Variants in KAZN observed in about 807,000 individuals in gnomAD.
KAZN encodes the protein kazrin, periplakin interacting protein, also known as kazrin.
KAZN carries 40 observed loss-of-function variants against 87.4 expected under a neutral mutation model. The ratio of observed to expected loss-of-function variants is 0.46; its 90% CI spans 0.36 to 0.60. The LOEUF is 0.60. Among genes scored for constraint, KAZN ranks in the 20% least tolerant of loss-of-function variants. The pLI is 0.00. For synonymous variants in KAZN, 466 were observed against 458.3 expected (o/e 1.02, Z -0.22); for missense variants, 898 against 1,073.9 (o/e 0.84, Z 2.29).
chr1:14,988,649 T>C (rs1667062346), intron 2 of KAZN, among the ~76,000 whole-genome samples: 1 of 152,240 alleles, frequency 6.6e-6, no homozygotes, highest in Non-Finnish European at 1.5e-5. Flanking sequence ...GCTGTGCTTC[T>C]GATTATCCCT....
chr1:13,947,606 G>T (rs1018894491), intron 1 of KAZN, among the ~76,000 whole-genome samples: 25 of 152,202 alleles, frequency 1.6e-4, no homozygotes, highest in African/African-American at 5.8e-4. Context: ...CCTTAGGGCT[G>T]TATTAGTCTG....
chr1:14,852,566 C>T (rs1416986878), intron 1 of KAZN, among the ~76,000 whole-genome samples: 2 of 152,200 alleles, frequency 1.3e-5, no homozygotes, highest in Non-Finnish European at 2.9e-5. Context: ...GCGTTTTCAG[C>T]CTCTGCCCAT....
At chr1:14,301,856 T>A (rs1654577397) in intron 2 of KAZN, among the ~76,000 whole-genome samples, 1 of 152,190 alleles carries the variant, frequency 6.6e-6, no homozygotes, top group Non-Finnish European at 1.5e-5. Flanking sequence ...CGAGAGGCCT[T>A]CCTTGACTAC....
At chr1:14,251,080 G>A (rs1032692156) in intron 2 of KAZN, among the ~76,000 whole-genome samples, 1 of 152,138 alleles carries the variant, frequency 6.6e-6, no homozygotes. Context: ...GCCTAACCCT[G>A]GAACTGAAAC....
intron 2 of KAZN, among the ~76,000 whole-genome samples, chr1:14,549,455 G>C (rs1227455006): frequency 1.3e-5 from 2 of 151,924 alleles, no homozygotes; most frequent in Admixed American, 6.6e-5. Flanking sequence ...AAACTTCTGG[G>C]CCCCCCCTTA....
chr1:14,107,761 G>A (rs1447693560), intron 1 of KAZN, among the ~76,000 whole-genome samples: 1 of 152,134 alleles, frequency 6.6e-6, no homozygotes, highest in African/African-American at 2.4e-5. Flanking sequence ...TTTGTATGCT[G>A]GGTTGTGTGC....
chr1:14,738,561 C>T (rs368446207), intron 1 of KAZN, among the ~76,000 whole-genome samples: 174 of 152,210 alleles, frequency 1.1e-3, no homozygotes, highest in African/African-American at 3.9e-3. Flanking sequence ...GAGGCTTCTC[C>T]TGGCTTTCTG....
chr1:14,843,154 A>G (rs1285838928), intron 1 of KAZN, among the ~76,000 whole-genome samples: 1 of 152,208 alleles, frequency 6.6e-6, no homozygotes, highest in Non-Finnish European at 1.5e-5. Flanking sequence ...CAGGAAGTAT[A>G]CTAAGATTAT....
chr1:14,951,565 C>T (rs1342445751), intron 1 of KAZN, among the ~76,000 whole-genome samples: 2 of 152,020 alleles, frequency 1.3e-5, no homozygotes, highest in Non-Finnish European at 2.9e-5. Context: ...CAACCTCCAC[C>T]TCCCAGGTTC....
At chr1:14,597,130 G>C (rs1000728082), upstream of KAZN, among the ~76,000 whole-genome samples, 2 of 152,208 alleles carry the variant, frequency 1.3e-5, no homozygotes, top group Non-Finnish European at 2.9e-5. Flanking sequence ...CTGGTTTGCA[G>C]ATACACTAAG....
intron 2 of KAZN, among the ~76,000 whole-genome samples, chr1:14,289,128 T>C (rs1653482758): frequency 2.0e-5 from 3 of 152,196 alleles, no homozygotes; most frequent in East Asian, 3.8e-4. Flanking sequence ...GGAATAAGTG[T>C]GATGTGATGC....
At chr1:14,081,103 T>C (rs111842081) in intron 1 of KAZN, among the ~76,000 whole-genome samples, 1,934 of 149,862 alleles carry the variant, frequency 0.013, 39 homozygotes, top group African/African-American at 0.044. Context: ...ACACATGGTG[T>C]TGGTTTTTTT....
intron 1 of KAZN, among the ~76,000 whole-genome samples, chr1:14,953,941 T>TG (rs5772612): frequency 0.58 from 88,377 of 152,146 alleles, 28,898 homozygotes; most frequent in African/African-American, 0.9. Flanking sequence ...CAAGGGAAGC[T>TG]GAAAATAGCA....
intron 1 of KAZN, among the ~76,000 whole-genome samples, chr1:14,160,093 G>T (rs767601643): frequency 3.7e-4 from 57 of 152,182 alleles, no homozygotes; most frequent in Non-Finnish European, 3.7e-4. Context: ...GCTGTCATGT[G>T]ACCTTCTGTC....
chr1:14,074,520 C>A (rs953534760), intron 1 of KAZN, among the ~76,000 whole-genome samples: 1 of 152,078 alleles, frequency 6.6e-6, no homozygotes, highest in African/African-American at 2.4e-5. Context: ...GGCTTGGGGT[C>A]GTTTGACAGA....
At chr1:14,031,262 C>T (rs1641316945) in intron 1 of KAZN, among the ~76,000 whole-genome samples, 1 of 152,158 alleles carries the variant, frequency 6.6e-6, no homozygotes, top group African/African-American at 2.4e-5. Context: ...TAGGGACCCA[C>T]ATTAATATAA....
At chr1:14,797,676 T>A (rs1305148194) in intron 1 of KAZN, among the ~76,000 whole-genome samples, 1 of 152,036 alleles carries the variant, frequency 6.6e-6, no homozygotes, top group Admixed American at 6.6e-5. Flanking sequence ...CAAGACAGAG[T>A]GTCGGCCCTG....
intron 1 of KAZN, among the ~76,000 whole-genome samples, chr1:14,695,551 G>T (rs915066718): frequency 1.2e-5 from 1 of 80,298 alleles, no homozygotes; most frequent in Non-Finnish European, 3.1e-5. Flanking sequence ...TGTCACCCAG[G>T]CTGGAGTGCA....
chr1:14,430,583 A>G (rs1037105878), intron 2 of KAZN, among the ~76,000 whole-genome samples: 1 of 152,200 alleles, frequency 6.6e-6, no homozygotes, highest in African/African-American at 2.4e-5. Context: ...CAGCATCACA[A>G]TAATGAATAA....
Sources: allele counts gnomAD v4.1 joint callset (sites outside exome capture counted in the v4.1 genomes callset), GRCh38; gene constraint gnomAD v4.1.1; transcripts MANE v1.5; gene names NCBI Gene and HGNC (gene_info 2026-07-23, HGNC 2026-07-21).